The following WRN variants were observed in gnomAD, a reference collection of about 807,000 sequenced individuals.
WRN encodes the protein bifunctional 3'-5' exonuclease/ATP-dependent helicase WRN.
Under a neutral mutation model 180.7 loss-of-function variants are expected in WRN, and 149 were observed. That is an observed-to-expected ratio of 0.82 (90% CI 0.72 to 0.94). The LOEUF (loss-of-function observed/expected upper bound fraction) is 0.94, where lower values mean the gene tolerates loss of function less well. Among genes scored for constraint, WRN ranks in the 40% least tolerant of loss-of-function variants. The pLI, the probability that WRN is intolerant of heterozygous loss-of-function variation, is 0.00. For synonymous variants in WRN, 548 were observed against 568.9 expected (o/e 0.96, Z 0.52); for missense variants, 1,661 against 1,700.1 (o/e 0.98, Z 0.40).
chr8:31,130,833 A>G (rs1802134867), intron 23 of WRN, among the ~76,000 whole-genome samples: 3 of 152,194 alleles, frequency 2.0e-5, no homozygotes, highest in Non-Finnish European at 2.9e-5. Flanking sequence ...TGAACAAGGT[A>G]TGCAAGGATT....
chr8:31,080,650 C>T (rs1019635014), intron 8 of WRN, among the ~76,000 whole-genome samples: 1 of 151,716 alleles, frequency 6.6e-6, no homozygotes, highest in African/African-American at 2.4e-5. Context: ...AGTAAACATA[C>T]AAGTCAACTG....
intron 19 of WRN, among the ~76,000 whole-genome samples, chr8:31,112,454 G>A (rs372539799): frequency 2.5e-4 from 38 of 152,214 alleles, no homozygotes; most frequent in African/African-American, 8.9e-4. Flanking sequence ...TAACTGCTCA[G>A]TAAGTTACGT....
intron 18 of WRN, among the ~76,000 whole-genome samples, chr8:31,105,923 A>G (rs772329562): frequency 2.4e-4 from 36 of 152,206 alleles, no homozygotes; most frequent in Non-Finnish European, 4.6e-4. Flanking sequence ...ATATATGTAC[A>G]TATATATGTG....
intron 16 of WRN, 90 bp downstream of exon 16, chr8:31,091,988 G>A (rs1432883307): frequency 1.7e-6 from 2 of 1,162,934 alleles, no homozygotes; most frequent in Non-Finnish European, 2.6e-6. Flanking sequence ...TGTTGCTGAG[G>A]AAGTTGTGAG....
In WRN at chr8:31,081,151, A is replaced by C. The variant is rs975111123; in HGVS notation, c.1124A>C (p.Glu375Ala). 3.7e-6 allele frequency: 6 copies of C among 1,613,952 alleles called. No homozygotes were observed. The highest frequency in any genetic ancestry group is 4.2e-6 in the Non-Finnish European group (5 of 1,179,996). The change falls in exon 9 of 35, where the codon GAA (glutamate) becomes GCA (alanine). Residue 375 changes from glutamate (E) to alanine (A), a missense_variant. By Grantham distance (107) the Glu-to-Ala change is moderately radical. Coordinates refer to ENST00000298139, the MANE Select transcript of WRN (RefSeq NM_000553.6). ...NKVERKEDGF[E>A]DGVEDNKLKE... is the part of the protein sequence containing the mutation. ...GTGGAACGAAAAGAAGATGGATTTG[A>C]AGATGGAGTAGAAGACAACAAATTG...
At chr8:31,053,170 C>T (rs1812141563) in intron 1 of WRN, among the ~76,000 whole-genome samples, 1 of 152,062 alleles carries the variant, frequency 6.6e-6, no homozygotes, top group South Asian at 2.1e-4. Flanking sequence ...AAGAGAAGTC[C>T]CCAGACCAAC....
At chr8:31,153,292 A>C (rs1803214521) in intron 31 of WRN, among the ~76,000 whole-genome samples, 1 of 152,196 alleles carries the variant, frequency 6.6e-6, no homozygotes, top group Admixed American at 6.5e-5. Context: ...AAGACACATT[A>C]GACTTTTGAG....
chr8:31,101,647 C>T (rs1259189999), intron 18 of WRN, among the ~76,000 whole-genome samples: 3 of 151,608 alleles, frequency 2.0e-5, no homozygotes, highest in Non-Finnish European at 2.9e-5. Flanking sequence ...ATTAGCTGGG[C>T]GTGGTGGCAG....
chr8:31,080,736 C>T, intron 8 of WRN, 131 bp from the exon 9 acceptor site: 1 of 738,832 alleles, frequency 1.4e-6, no homozygotes, highest in Non-Finnish European at 2.2e-6. Flanking sequence ...GAATGAAGAA[C>T]AGCCTTAATA....
intron 33 of WRN, 111 bp from the exon 34 acceptor site, chr8:31,166,911 G>A: frequency 2.7e-6 from 3 of 1,120,360 alleles, no homozygotes; most frequent in South Asian, 1.6e-5. Flanking sequence ...ACTTTTCTTT[G>A]GCAACCTTCC....
chr8:31,044,471 C>T (rs1264298410), intron 1 of WRN, among the ~76,000 whole-genome samples: 2 of 151,656 alleles, frequency 1.3e-5, no homozygotes, highest in African/African-American at 2.4e-5. Flanking sequence ...ATTCTCCTGC[C>T]TCAGCCTCCT....
chr8:31,143,706 G>A, intron 28 of WRN, 83 bp downstream of exon 28: 1 of 998,456 alleles, frequency 1.0e-6, no homozygotes, highest in Non-Finnish European at 1.5e-6. Context: ...CAGATGTTGG[G>A]CTATTTCATT....
At chr8:31,143,064 C>CACACACACAT (rs1489579629) in intron 27 of WRN, among the ~76,000 whole-genome samples, 1 of 132,722 alleles carries the variant, frequency 7.5e-6, no homozygotes, top group African/African-American at 2.8e-5. Flanking sequence ...CATTCTCTCT[C>CACACACACAT]TCTCTCTCTC....
At chr8:31,151,027 T>A (rs1314833120) in intron 31 of WRN, among the ~76,000 whole-genome samples, 2 of 152,234 alleles carry the variant, frequency 1.3e-5, no homozygotes, top group East Asian at 3.8e-4. Context: ...GACTCTATAA[T>A]GCATACTCTG....
chr8:31,046,362 CTT>C (rs1404383747), intron 1 of WRN, among the ~76,000 whole-genome samples: 1 of 151,914 alleles, frequency 6.6e-6, no homozygotes, highest in Non-Finnish European at 1.5e-5. Flanking sequence ...CAATCAGACT[CTT>C]TTAAAGGTGA....
Position 31,064,343 on chromosome 8 carries a change from A to C in WRN, c.264A>C (p.Leu88Phe), listed in dbSNP as rs1370182620. Residue 88 changes from leucine (L) to phenylalanine (F), a missense_variant, in exon 4 of 35, where the codon TTA becomes TTC. Leu to Phe is a conservative substitution (Grantham distance 22, BLOSUM62 0). This residue lies in a region of WRN where 500 missense variants were observed against 504.1 expected (regional missense o/e 0.99). Transcript: ENST00000298139. ...GATTTGACATGGAGTGGCCACCATT[A>C]TACAATAGAGGGAAACTTGGCAAAG... ...VVGFDMEWPPLYNRGKLGKVA... is the reference protein window; with the variant it reads ...VVGFDMEWPPFYNRGKLGKVA... 6.2e-7 allele frequency: 1 copy of C among 1,614,026 alleles called. No homozygotes were observed. The highest frequency in any genetic ancestry group is 8.5e-7 in the Non-Finnish European group (1 of 1,180,018).
At chr8:31,165,522 T>G (rs114591478) in intron 33 of WRN, among the ~76,000 whole-genome samples, 2,236 of 152,164 alleles carry the variant, frequency 0.015, 46 homozygotes, top group African/African-American at 0.049. Flanking sequence ...ATTTAAAATT[T>G]TATCATTTCA....
intron 34 of WRN, among the ~76,000 whole-genome samples, chr8:31,168,965 A>G (rs540838561): frequency 6.6e-6 from 1 of 152,304 alleles, no homozygotes; most frequent in East Asian, 1.9e-4. Flanking sequence ...CCATAGGTAC[A>G]TGGTGGATTC....
intron 8 of WRN, among the ~76,000 whole-genome samples, chr8:31,077,326 C>T (rs903052485): frequency 3.3e-5 from 5 of 152,080 alleles, no homozygotes; most frequent in Admixed American, 1.3e-4. Context: ...CTGCAAGCTC[C>T]GCCTCCCGGG....
Sources: allele counts gnomAD v4.1 joint callset (sites outside exome capture counted in the v4.1 genomes callset), GRCh38; gene constraint gnomAD v4.1.1; regional missense constraint gnomAD v4.1.1; transcripts MANE v1.5; gene names NCBI Gene and HGNC (gene_info 2026-07-23, HGNC 2026-07-21).